SLC30A8: variants seen among roughly 807,000 people sequenced by gnomAD.
SLC30A8 encodes the protein proton-coupled zinc antiporter SLC30A8.
A neutral mutation model predicts 36.9 loss-of-function variants in SLC30A8; 27 were observed. That is an observed-to-expected ratio of 0.73 (90% CI 0.54 to 1.01). The LOEUF (loss-of-function observed/expected upper bound fraction) is 1.01, where lower values mean the gene tolerates loss of function less well. SLC30A8 is among the 50% of genes least tolerant of loss of function. SLC30A8 has a pLI of 0.00. For missense variants in SLC30A8, 439 were observed against 452.0 expected (o/e 0.97, Z 0.26); for synonymous variants, 164 against 172.4 (o/e 0.95, Z 0.38).
intron 1 of SLC30A8, among the ~76,000 whole-genome samples, chr8:116,994,908 A>G (rs1207893177): frequency 6.6e-6 from 1 of 152,078 alleles, no homozygotes; most frequent in Non-Finnish European, 1.5e-5. Flanking sequence ...TATGCATCTG[A>G]TTATGGAAGA....
At position 117,022,099 on chromosome 8, in the gene SLC30A8, CT is replaced by C. The variant is rs1402453368; in HGVS notation, c.-265-17119del. Among the ~76,000 whole-genome samples the C allele has an allele frequency of 4.6e-5, 7 of 151,778 alleles. 1 individual carries two copies. Among genetic ancestry groups the C allele is most frequent in the Admixed American group, 1.3e-4 (2 of 15,230 alleles). On this transcript the variant is annotated intron_variant, in intron 1 of 10. Coordinates refer to the SLC30A8 transcript ENST00000427715. ...CCTGTAGTCCCAGCTACTCGGGAGG[CT>C]GGGGCAGGAGAATCGCTTGAACCCA...
chr8:116,968,549 C>A (rs1293929817), intron 1 of SLC30A8, among the ~76,000 whole-genome samples: 1 of 151,740 alleles, frequency 6.6e-6, no homozygotes, highest in South Asian at 2.1e-4. Context: ...GGAAGATTGA[C>A]ATTCCATTGG....
chr8:117,018,038 G>T (rs935568371), intron 1 of SLC30A8: 3 of 152,348 alleles, frequency 2.0e-5, no homozygotes, highest in Non-Finnish European at 4.4e-5. Context: ...CTGGGCTATA[G>T]TGCACTATGC....
intron 1 of SLC30A8, among the ~76,000 whole-genome samples, chr8:116,953,532 C>T (rs185334381): frequency 2.6e-5 from 4 of 152,024 alleles, no homozygotes; most frequent in African/African-American, 7.2e-5. Flanking sequence ...AATCTTTGGC[C>T]GAATCTTCTC....
rs1412908136 is a variant in SLC30A8 at position 117,176,395 on chromosome 8, C to G, written c.*3714C>G. On this transcript the variant is annotated 3_prime_UTR_variant, in exon 8 of 8. Coordinates refer to ENST00000456015, the MANE Select transcript of SLC30A8 (RefSeq NM_173851.3). ...GAAATGATTTTCTCAGCTCATCTCTCTGTATTCCCTGTTTTGGATCACAGG... is the reference window on the plus strand; with the variant it reads ...GAAATGATTTTCTCAGCTCATCTCTGTGTATTCCCTGTTTTGGATCACAGG... 4 of 152,418 alleles carry G rather than the reference C, an allele frequency of 2.6e-5. No individual in the cohort carries two copies. Among genetic ancestry groups the G allele is most frequent in the Non-Finnish European group, 4.4e-5 (3 of 67,976 alleles). The allele number at this position is 152,418 out of a possible 1,614,324, so 9.4% of individuals were successfully genotyped here. A position where few individuals can be genotyped will look rare whatever the true frequency, so the allele number is the denominator to read the frequency against.
Position 116,999,857 on chromosome 8 carries a change from A to G in SLC30A8, c.-265-39362A>G, listed in dbSNP as rs1242537004. On this transcript the variant is annotated intron_variant, in intron 1 of 10. Coordinates refer to the SLC30A8 transcript ENST00000427715. ...AAAAAGCAGACATAAAAAATTAATA[A>G]ACAGATATGAAAATAATTATATAGA... 2.0e-5 allele frequency among the ~76,000 whole-genome samples: 3 copies of G among 152,200 alleles called. No homozygotes were observed. The East Asian group carries it at 5.8e-4, about 29-fold the overall frequency.
chr8:117,020,163 ATTC>A (rs1439868638), intron 1 of SLC30A8, among the ~76,000 whole-genome samples: 10 of 152,194 alleles, frequency 6.6e-5, no homozygotes, highest in African/African-American at 1.7e-4. Flanking sequence ...GAGAAAATAA[ATTC>A]TTCTTCAACA....
chr8:117,000,929 A>G (rs779239915), intron 1 of SLC30A8, among the ~76,000 whole-genome samples: 21 of 152,218 alleles, frequency 1.4e-4, no homozygotes, highest in Admixed American at 3.3e-4. Flanking sequence ...CTAGTATGTT[A>G]ATGAGCTCTT....
chr8:117,135,720 T>G (rs910081643), intron 1 of SLC30A8, among the ~76,000 whole-genome samples: 18 of 152,038 alleles, frequency 1.2e-4, no homozygotes, highest in African/African-American at 3.4e-4. Context: ...TTAAGATAGA[T>G]AGTAAATTTT....
At chr8:116,993,532 C>T (rs1815718103) in intron 1 of SLC30A8, among the ~76,000 whole-genome samples, 1 of 151,942 alleles carries the variant, frequency 6.6e-6, no homozygotes. Context: ...GACCCAGACC[C>T]AGAGACAATC....
chr8:117,150,143 G>A (rs1822108035), intron 2 of SLC30A8, among the ~76,000 whole-genome samples: 1 of 152,156 alleles, frequency 6.6e-6, no homozygotes, highest in Admixed American at 6.5e-5. Flanking sequence ...ACGTGTTGTT[G>A]TACTTGTTAA....
intron 2 of SLC30A8, among the ~76,000 whole-genome samples, chr8:117,104,206 C>G (rs545545339): frequency 1.3e-5 from 2 of 152,156 alleles, no homozygotes; most frequent in Non-Finnish European, 2.9e-5. Flanking sequence ...TTTTCTAAAT[C>G]ATCTGGTTCT....
chr8:117,110,179 G>A (rs1025971763), intron 2 of SLC30A8, among the ~76,000 whole-genome samples: 21 of 152,152 alleles, frequency 1.4e-4, no homozygotes, highest in African/African-American at 4.6e-4. Flanking sequence ...GATGTTTGGC[G>A]TGGGCCCCAG....
upstream of SLC30A8, chr8:116,950,648 T>C (rs1404294845): frequency 2.0e-5 from 3 of 152,236 alleles, no homozygotes; most frequent in Admixed American, 2.0e-4. Context: ...ATTGAATTTC[T>C]ATAATTACTG....
At chr8:117,070,275 T>C (rs1818291858) in intron 2 of SLC30A8, among the ~76,000 whole-genome samples, 1 of 152,172 alleles carries the variant, frequency 6.6e-6, no homozygotes, top group African/African-American at 2.4e-5. Context: ...AGCTTGCACA[T>C]GGGGCTGCAT....
rs180799089 is a variant in SLC30A8 at position 117,056,397 on chromosome 8, G to A, written c.-226+17139G>A. Among the ~76,000 whole-genome samples, 13 of 152,250 alleles carry A rather than the reference G, an allele frequency of 8.5e-5. No homozygotes were observed. In the East Asian group the frequency reaches 1.4e-3, roughly 16 times the overall value. On this transcript the variant is annotated intron_variant, in intron 2 of 10. Transcript: ENST00000427715. Reference sequence around the variant, plus strand: ...AGGCTTCTGGCCAAAGTCAGGGCTCGCGCTGTGGGGACCTTTACCACTCCT... The same window carrying A: ...AGGCTTCTGGCCAAAGTCAGGGCTCACGCTGTGGGGACCTTTACCACTCCT...
chr8:117,047,984 G>A (rs543303256), intron 2 of SLC30A8, among the ~76,000 whole-genome samples: 104 of 152,318 alleles, frequency 6.8e-4, no homozygotes, highest in African/African-American at 2.4e-3. Context: ...CTAAGAGGAA[G>A]CATGAATTAT....
intron 2 of SLC30A8, among the ~76,000 whole-genome samples, chr8:117,093,725 C>T (rs1819236658): frequency 6.6e-6 from 1 of 152,166 alleles, no homozygotes; most frequent in South Asian, 2.1e-4. Flanking sequence ...CAGCCAGAAA[C>T]CTCTGTGGCC....
intron 1 of SLC30A8, among the ~76,000 whole-genome samples, chr8:116,964,224 T>C (rs574147429): frequency 6.6e-6 from 1 of 152,240 alleles, no homozygotes; most frequent in South Asian, 2.1e-4. Context: ...TAAAAAAGAG[T>C]ACTATCCTTT....
Sources: allele counts gnomAD v4.1 joint callset (sites outside exome capture counted in the v4.1 genomes callset), GRCh38; gene constraint gnomAD v4.1.1; transcripts MANE v1.5; gene names NCBI Gene and HGNC (gene_info 2026-07-23, HGNC 2026-07-21).